The following B3GALT1 variants were observed in gnomAD, a reference collection of about 807,000 sequenced individuals.
B3GALT1 encodes UDP-Gal:betaGlcNAc beta 1,3-galactosyltransferase, polypeptide 1.
A neutral mutation model predicts 23.2 loss-of-function variants in B3GALT1; 10 were observed. The ratio of observed to expected loss-of-function variants is 0.43; its 90% CI spans 0.27 to 0.73. B3GALT1 has a LOEUF of 0.73. Among genes scored for constraint, B3GALT1 ranks in the 30% least tolerant of loss-of-function variants. B3GALT1 has a pLI of 0.21. For missense variants in B3GALT1, 299 were observed against 405.4 expected (o/e 0.74, Z 2.25); for synonymous variants, 156 against 141.5 (o/e 1.10, Z -0.73).
At chr2:167,419,950 T>C (rs747334738) in intron 1 of B3GALT1, among the ~76,000 whole-genome samples, 2 of 152,202 alleles carry the variant, frequency 1.3e-5, no homozygotes, top group East Asian at 1.9e-4. Flanking sequence ...GGAAAACATA[T>C]TACTTTTCCT....
At chr2:167,837,133 A>C (rs1284195612) in intron 4 of B3GALT1, among the ~76,000 whole-genome samples, 1 of 152,232 alleles carries the variant, frequency 6.6e-6, no homozygotes. Context: ...GGAGCAAAAT[A>C]ACCAGCTAAC....
intron 2 of B3GALT1, among the ~76,000 whole-genome samples, chr2:167,526,863 T>A (rs1683228446): frequency 6.6e-6 from 1 of 152,170 alleles, no homozygotes; most frequent in Non-Finnish European, 1.5e-5. Flanking sequence ...TTCTACTACC[T>A]ACAAATAGTT....
At chr2:167,649,963 G>A (rs1685830292) in intron 3 of B3GALT1, among the ~76,000 whole-genome samples, 1 of 151,968 alleles carries the variant, frequency 6.6e-6, no homozygotes, top group Non-Finnish European at 1.5e-5. Context: ...TTGAATAGAT[G>A]TAATGAATAT....
In B3GALT1 at chr2:167,512,923, C is replaced by A. The variant is rs183180249; in HGVS notation, c.-410+22646C>A. 3.1e-3 allele frequency among the ~76,000 whole-genome samples: 463 copies of A among 148,386 alleles called. 3 individuals are homozygous for A. The highest frequency in any genetic ancestry group is 0.011 in the African/African-American group (444 of 40,820). On this transcript the variant is annotated intron_variant, in intron 2 of 4. Transcript: ENST00000392690. The stretch of plus-strand genomic sequence containing the variant: ...CCTCCCAAAGTGCTGGGATTACAAG[C>A]ATGATGATTCTACCCAGCCTATATT...
At chr2:167,804,779 A>G (rs1025345307) in intron 3 of B3GALT1, among the ~76,000 whole-genome samples, 20 of 152,124 alleles carry the variant, frequency 1.3e-4, no homozygotes, top group Non-Finnish European at 2.5e-4. Flanking sequence ...TAGTGCCGCA[A>G]TAAACATATG....
At position 167,599,451 on chromosome 2, in the gene B3GALT1, G is replaced by A. The variant is rs149013986; in HGVS notation, c.-409-47458G>A. Among the ~76,000 whole-genome samples, 281 of 152,204 alleles carry A rather than the reference G, an allele frequency of 1.8e-3. 2 individuals are homozygous for A. In the East Asian group the frequency reaches 0.034, roughly 19 times the overall value. On this transcript the variant is annotated intron_variant, in intron 2 of 4. Coordinates refer to ENST00000392690, the MANE Select transcript of B3GALT1 (RefSeq NM_020981.4). ...AGTGATATTATCAAAATCTCCATGT[G>A]CACATCACATTCAAGAGCCTAGTTA...
At chr2:167,350,442 A>G (rs1697292332) in intron 1 of B3GALT1, among the ~76,000 whole-genome samples, 1 of 152,198 alleles carries the variant, frequency 6.6e-6, no homozygotes, top group Non-Finnish European at 1.5e-5. Flanking sequence ...TATCTGAGCA[A>G]AGGGTTCATA....
chr2:167,582,506 C>T (rs528548467), intron 2 of B3GALT1, among the ~76,000 whole-genome samples: 98 of 152,246 alleles, frequency 6.4e-4, no homozygotes, highest in African/African-American at 2.2e-3. Context: ...AAAGTAAAGA[C>T]GTACTAAAGA....
intron 4 of B3GALT1, among the ~76,000 whole-genome samples, chr2:167,831,353 G>A (rs574035834): frequency 2.6e-5 from 4 of 152,314 alleles, no homozygotes; most frequent in South Asian, 2.1e-4. Flanking sequence ...AGGATTCAGT[G>A]TTCATAAGCA....
chr2:167,613,681 C>T (rs1685108178), intron 2 of B3GALT1, among the ~76,000 whole-genome samples: 1 of 151,698 alleles, frequency 6.6e-6, no homozygotes, highest in African/African-American at 2.4e-5. Context: ...GCCCAGATTT[C>T]TGTGCTTTAT....
intron 1 of B3GALT1, among the ~76,000 whole-genome samples, chr2:167,424,577 TTGTGTTTG>T (rs997383215): frequency 6.6e-6 from 1 of 151,644 alleles, no homozygotes; most frequent in Non-Finnish European, 1.5e-5. Context: ...GTGTGTGTGT[TTGTGTTTG>T]TGTGTATGTG....
intron 3 of B3GALT1, among the ~76,000 whole-genome samples, chr2:167,706,946 T>A (rs960477084): frequency 3.3e-4 from 50 of 152,360 alleles, no homozygotes; most frequent in African/African-American, 1.2e-3. Flanking sequence ...GTAATAACAA[T>A]GTCGCATTTT....
At chr2:167,510,322 ATCT>A (rs1449118953) in intron 2 of B3GALT1, among the ~76,000 whole-genome samples, 3 of 151,848 alleles carry the variant, frequency 2.0e-5, no homozygotes, top group East Asian at 3.9e-4. Context: ...GTTATGAAGC[ATCT>A]TCTTGTTATA....
At chr2:167,607,438 T>C in intron 2 of B3GALT1, among the ~76,000 whole-genome samples, 1 of 152,170 alleles carries the variant, frequency 6.6e-6, no homozygotes, top group East Asian at 1.9e-4. Flanking sequence ...CAGAACTCAA[T>C]CATATGACGC....
At chr2:167,635,411 T>A (rs1445601028) in intron 2 of B3GALT1, among the ~76,000 whole-genome samples, 1 of 152,108 alleles carries the variant, frequency 6.6e-6, no homozygotes, top group African/African-American at 2.4e-5. Flanking sequence ...AGTCAAATTG[T>A]CTCTGTTTGC....
intron 4 of B3GALT1, among the ~76,000 whole-genome samples, chr2:167,827,621 G>A (rs1275686915): frequency 1.3e-5 from 2 of 152,122 alleles, no homozygotes; most frequent in African/African-American, 2.4e-5. Flanking sequence ...TGCTCAGTGC[G>A]TGGCTGCTGC....
chr2:167,722,552 A>G (rs1255807178), intron 3 of B3GALT1, among the ~76,000 whole-genome samples: 1 of 152,182 alleles, frequency 6.6e-6, no homozygotes, highest in African/African-American at 2.4e-5. Context: ...GTTTTTTTAT[A>G]ATCATACAGA....
chr2:167,853,445 T>C (rs1689942349), intron 4 of B3GALT1, among the ~76,000 whole-genome samples: 1 of 152,168 alleles, frequency 6.6e-6, no homozygotes, highest in Non-Finnish European at 1.5e-5. Flanking sequence ...ACTATTTCAA[T>C]TGTAGTATCA....
At chr2:167,542,218 C>T (rs1355938240) in intron 2 of B3GALT1, among the ~76,000 whole-genome samples, 1 of 152,006 alleles carries the variant, frequency 6.6e-6, no homozygotes, top group African/African-American at 2.4e-5. Flanking sequence ...CCTGTCCTTT[C>T]ATAATTTATA....
Sources: allele counts gnomAD v4.1 joint callset (sites outside exome capture counted in the v4.1 genomes callset), GRCh38; gene constraint gnomAD v4.1.1; transcripts MANE v1.5; gene names NCBI Gene and HGNC (gene_info 2026-07-23, HGNC 2026-07-21).